Variants in PALM2AKAP2 observed in about 807,000 individuals in gnomAD.
PALM2AKAP2 encodes PALM2 and AKAP2 fusion.
In PALM2AKAP2, 37 loss-of-function variants were observed where a neutral mutation model predicts 71.5. The observed-to-expected ratio is 0.52, with a 90% CI of 0.40 to 0.68. The LOEUF (loss-of-function observed/expected upper bound fraction) is 0.68, where lower values mean the gene tolerates loss of function less well. PALM2AKAP2 is among the 30% of genes least tolerant of loss of function. The pLI is 0.00. For missense variants in PALM2AKAP2, 1,224 were observed against 1,191.8 expected, an observed-to-expected ratio of 1.03 and a Z score of -0.40; for synonymous variants, 468 against 478.8, an observed-to-expected ratio of 0.98 and a Z score of 0.29.
At chr9:110,156,285 G>T in intron 2 of PALM2AKAP2, 34 bp from the exon 9 acceptor site, 1 of 1,513,986 alleles carries the variant, frequency 6.6e-7, no homozygotes, top group South Asian at 1.4e-5. Flanking sequence ...GAGCAGACAA[G>T]CTTAGAAAGG....
chr9:109,826,097 A>G (rs1828141824), intron 1 of PALM2AKAP2, among the ~76,000 whole-genome samples: 1 of 152,136 alleles, frequency 6.6e-6, no homozygotes. Flanking sequence ...CATCATTCTC[A>G]GCAAACTATC....
intron 1 of PALM2AKAP2, among the ~76,000 whole-genome samples, chr9:109,697,478 A>G (rs574340466): frequency 2.6e-5 from 4 of 152,308 alleles, no homozygotes; most frequent in African/African-American, 9.6e-5. Context: ...TACTATGTAA[A>G]TAAATTATCT....
chr9:109,786,409 A>G (rs1826969061), intron 1 of PALM2AKAP2, among the ~76,000 whole-genome samples: 1 of 152,210 alleles, frequency 6.6e-6, no homozygotes. Flanking sequence ...GACTTGTGTT[A>G]TTGGTATGCA....
intron 1 of PALM2AKAP2, among the ~76,000 whole-genome samples, chr9:109,752,281 A>C (rs1828897864): frequency 6.6e-6 from 1 of 152,154 alleles, no homozygotes; most frequent in Non-Finnish European, 1.5e-5. Flanking sequence ...GTGGAGCCTG[A>C]AGTGACCATG....
intron 1 of PALM2AKAP2, among the ~76,000 whole-genome samples, chr9:109,774,156 A>G (rs1258285962): frequency 6.6e-6 from 1 of 152,208 alleles, no homozygotes; most frequent in East Asian, 1.9e-4. Context: ...CACGCTACCA[A>G]AAGGGATTCC....
At chr9:110,098,633 A>T (rs530401666) in intron 1 of PALM2AKAP2, among the ~76,000 whole-genome samples, 32 of 150,912 alleles carry the variant, frequency 2.1e-4, no homozygotes, top group Non-Finnish European at 2.8e-4. Flanking sequence ...CTAGAACTCA[A>T]GTCCTCTGAC....
intron 6 of PALM2AKAP2, among the ~76,000 whole-genome samples, chr9:109,949,217 G>A (rs1469493879): frequency 6.6e-6 from 1 of 152,208 alleles, no homozygotes; most frequent in African/African-American, 2.4e-5. Flanking sequence ...AGGCCACATG[G>A]AGCGCATGAC....
intron 1 of PALM2AKAP2, among the ~76,000 whole-genome samples, chr9:109,769,044 G>T (rs1453485734): frequency 1.3e-5 from 2 of 152,116 alleles, no homozygotes; most frequent in Admixed American, 6.5e-5. Flanking sequence ...TAAAAAGACT[G>T]TTGGAAACTT....
intron 1 of PALM2AKAP2, among the ~76,000 whole-genome samples, chr9:110,058,037 A>G (rs746922774): frequency 6.6e-6 from 1 of 152,180 alleles, no homozygotes; most frequent in African/African-American, 2.4e-5. Context: ...TAAACGCTCT[A>G]TAACACACAG....
intron 6 of PALM2AKAP2, among the ~76,000 whole-genome samples, chr9:109,983,458 C>G (rs1316105386): frequency 5.9e-5 from 9 of 152,060 alleles, no homozygotes; most frequent in Admixed American, 5.9e-4. Flanking sequence ...TCCTCTCTCT[C>G]TCCCTCTTCT....
intron 1 of PALM2AKAP2, among the ~76,000 whole-genome samples, chr9:110,069,002 G>A (rs10980174): frequency 0.23 from 34,931 of 152,120 alleles, 5,110 homozygotes; most frequent in East Asian, 0.41. Flanking sequence ...ACATTTTTCA[G>A]TGTTACCTTG....
intron 3 of PALM2AKAP2, 73 bp from the exon 11 acceptor site, chr9:110,168,326 A>T (rs1214088717): frequency 6.4e-7 from 1 of 1,551,466 alleles, no homozygotes; most frequent in Non-Finnish European, 8.8e-7. Flanking sequence ...AGGAAGAAAG[A>T]AACAGAGAAG....
rs140320943 is a variant in PALM2AKAP2, at chr9:109,943,039, G to C, written c.496+11011G>C. The C allele has an allele frequency of 2.5e-6, 4 of 1,614,074 alleles. No individual in the cohort carries two copies. The African/African-American group carries it at 4.0e-5, about 16-fold the overall frequency. On this transcript the variant is annotated intron_variant, in intron 6 of 9. Transcript: ENST00000302798. ...AGAAATGGTACATAAGTCTAGGAAA[G>C]ACCATTCTTCCGGGAACCCAGGGCA...
At chr9:109,858,690 G>A (rs897109508) in intron 1 of PALM2AKAP2, among the ~76,000 whole-genome samples, 1 of 152,150 alleles carries the variant, frequency 6.6e-6, no homozygotes, top group Non-Finnish European at 1.5e-5. Context: ...CTTTTTCAGA[G>A]TCCTCTACCA....
intron 1 of PALM2AKAP2, among the ~76,000 whole-genome samples, chr9:109,843,906 C>T (rs921592720): frequency 3.9e-5 from 6 of 152,162 alleles, no homozygotes; most frequent in South Asian, 4.1e-4. Flanking sequence ...CACATCCAAC[C>T]GCCAGACAGC....
At chr9:110,087,238 C>T (rs1213507404) in intron 1 of PALM2AKAP2, among the ~76,000 whole-genome samples, 1 of 152,156 alleles carries the variant, frequency 6.6e-6, no homozygotes, top group Non-Finnish European at 1.5e-5. Context: ...GAAAGGTGTC[C>T]CCTTTTGTGC....
At chr9:110,119,649 G>A (rs377569961) in intron 1 of PALM2AKAP2, among the ~76,000 whole-genome samples, 1 of 152,256 alleles carries the variant, frequency 6.6e-6, no homozygotes, top group South Asian at 2.1e-4. Context: ...TGTAGTTTTT[G>A]TGTTTCTTTT....
intron 1 of PALM2AKAP2, among the ~76,000 whole-genome samples, chr9:109,805,613 A>T (rs145021393): frequency 6.6e-6 from 1 of 152,194 alleles, no homozygotes; most frequent in African/African-American, 2.4e-5. Context: ...TCAATGCAAG[A>T]TAAGGAAAAA....
intron 2 of PALM2AKAP2, among the ~76,000 whole-genome samples, chr9:110,140,451 G>A (rs1305690522): frequency 2.0e-5 from 3 of 152,158 alleles, no homozygotes; most frequent in Non-Finnish European, 2.9e-5. Flanking sequence ...AGATCTGAGT[G>A]CTAGCTGTGC....
Sources: gnomAD v4.1 joint callset for allele counts (sites outside exome capture counted in the v4.1 genomes callset) on GRCh38, gnomAD v4.1.1 for gene constraint, MANE v1.5 for transcripts, NCBI Gene and HGNC (gene_info 2026-07-23, HGNC 2026-07-21) for gene names.